SUPT3H: variants seen among roughly 807,000 people sequenced by gnomAD.
SUPT3H encodes the protein transcription initiation protein SPT3 homolog.
In SUPT3H, 44 loss-of-function variants were observed where a neutral mutation model predicts 44.3. That is an observed-to-expected ratio of 0.99 (90% confidence interval 0.78 to 1.28). The LOEUF (loss-of-function observed/expected upper bound fraction) is 1.28. Among genes scored for constraint, SUPT3H ranks in the 50% most tolerant of loss-of-function variants. SUPT3H has a pLI of 0.00. For synonymous variants in SUPT3H, 124 were observed against 125.6 expected, an observed-to-expected ratio of 0.99 and a Z score of 0.09; for missense variants, 380 against 387.1, an observed-to-expected ratio of 0.98 and a Z score of 0.15.
chr6:45,181,900 T>G (rs910408093), intron 2 of SUPT3H, among the ~76,000 whole-genome samples: 4 of 129,776 alleles, frequency 3.1e-5, no homozygotes, highest in Non-Finnish European at 6.6e-5. Flanking sequence ...AATAAATAAA[T>G]AATAAAACTA....
In SUPT3H at chr6:45,255,182, T is replaced by G. The variant is rs143420288; in HGVS notation, c.101+110019A>C. ...TGTATGGGAAAAAACACTATATATA[T>G]AGAGAGAGAGAGTTTGGTAGTATTT... is the stretch of plus-strand genomic sequence containing the variant. On this transcript the variant is annotated intron_variant, in intron 2 of 10. Coordinates refer to ENST00000371459, the MANE Select transcript of SUPT3H (RefSeq NM_003599.4). 4.3e-3 allele frequency among the ~76,000 whole-genome samples: 658 copies of G among 151,938 alleles called. 4 individuals are homozygous for G. The highest frequency in any genetic ancestry group is 8.1e-3 in the African/African-American group (334 of 41,440).
At chr6:44,883,922 A>C (rs1717286) in intron 10 of SUPT3H, among the ~76,000 whole-genome samples, 138,369 of 152,126 alleles carry the variant, frequency 0.91, 63,652 homozygotes, top group East Asian at 1. Context: ...AAACCCTAGA[A>C]GAAAACCTAG....
intron 1 of SUPT3H, among the ~76,000 whole-genome samples, chr6:45,372,575 A>G (rs568811770): frequency 6.6e-6 from 1 of 152,242 alleles, no homozygotes; most frequent in Non-Finnish European, 1.5e-5. Flanking sequence ...TTTATAAAGT[A>G]TATTCACATA....
At chr6:45,006,665 G>T (rs996204717) in intron 5 of SUPT3H, among the ~76,000 whole-genome samples, 3 of 152,028 alleles carry the variant, frequency 2.0e-5, no homozygotes, top group African/African-American at 7.2e-5. Flanking sequence ...AGTATCAAGA[G>T]ACCTTCAGAA....
At chr6:45,128,585 TACAC>T (rs1346769411) in intron 2 of SUPT3H, among the ~76,000 whole-genome samples, 22 of 95,438 alleles carry the variant, frequency 2.3e-4, no homozygotes, top group South Asian at 7.1e-4. Context: ...CACACACACA[TACAC>T]ATATATATAT....
At chr6:45,111,033 CTTTTTT>C (rs5875909) in intron 2 of SUPT3H, among the ~76,000 whole-genome samples, 2 of 129,978 alleles carry the variant, frequency 1.5e-5, no homozygotes, top group Non-Finnish European at 3.3e-5. Context: ...ACAAACGATA[CTTTTTT>C]TTTTTTTTTT....
At chr6:45,051,348 G>A (rs1226367916) in intron 3 of SUPT3H, among the ~76,000 whole-genome samples, 1 of 152,080 alleles carries the variant, frequency 6.6e-6, no homozygotes, top group Non-Finnish European at 1.5e-5. Context: ...TACTTCCTTA[G>A]AGAGGTAGGA....
intron 2 of SUPT3H, among the ~76,000 whole-genome samples, chr6:45,145,288 C>T (rs140299726): frequency 4.3e-4 from 65 of 152,050 alleles, no homozygotes; most frequent in Non-Finnish European, 7.4e-4. Flanking sequence ...CTATAGTTAC[C>T]GAAACAACAT....
intron 10 of SUPT3H, among the ~76,000 whole-genome samples, chr6:44,867,740 T>C (rs1364536914): frequency 6.6e-6 from 1 of 152,160 alleles, no homozygotes; most frequent in Non-Finnish European, 1.5e-5. Flanking sequence ...TTTACCTAAG[T>C]GCACATTAGC....
At chr6:45,130,304 TTAACA>T (rs1350857294) in intron 2 of SUPT3H, among the ~76,000 whole-genome samples, 3 of 152,220 alleles carry the variant, frequency 2.0e-5, no homozygotes, top group Admixed American at 6.5e-5. Context: ...TCTCTTTTAC[TTAACA>T]TAATGTTTTT....
intron 6 of SUPT3H, among the ~76,000 whole-genome samples, chr6:44,973,856 C>T (rs12196775): frequency 0.045 from 6,877 of 152,192 alleles, 214 homozygotes; most frequent in Non-Finnish European, 0.07. Context: ...CATCAGATCT[C>T]CTGAGAACTC....
At chr6:44,905,375 T>A (rs1369808350) in intron 10 of SUPT3H, among the ~76,000 whole-genome samples, 1 of 151,728 alleles carries the variant, frequency 6.6e-6, no homozygotes, top group African/African-American at 2.4e-5. Context: ...GAACAGACAC[T>A]TCTCAAAAGA....
chr6:45,004,048 T>C (rs1782373619), intron 5 of SUPT3H, among the ~76,000 whole-genome samples: 1 of 152,044 alleles, frequency 6.6e-6, no homozygotes, highest in African/African-American at 2.4e-5. Context: ...GCTAATTAAA[T>C]CCCTTATAAA....
rs575097716 is a variant in SUPT3H at position 44,949,295 on chromosome 6, C to T, written c.801+4015G>A. On this transcript the variant is annotated intron_variant, in intron 9 of 10. Transcript: ENST00000371459. Reference sequence around the variant, plus strand: ...TACGAGACATACCTAGTGTAAATGACGAGTTAATGGGTGTAGCACACCAAC... The same window carrying T: ...TACGAGACATACCTAGTGTAAATGATGAGTTAATGGGTGTAGCACACCAAC... 2.3e-3 allele frequency among the ~76,000 whole-genome samples: 343 copies of T among 151,916 alleles called. 1 individual carries two copies. Among genetic ancestry groups the T allele is most frequent in the Non-Finnish European group, 4.0e-3 (272 of 67,980 alleles).
intron 2 of SUPT3H, among the ~76,000 whole-genome samples, chr6:45,120,257 G>C (rs1417542701): frequency 6.6e-6 from 1 of 151,588 alleles, no homozygotes; most frequent in Non-Finnish European, 1.5e-5. Flanking sequence ...ATTTATTTCA[G>C]TTTCCACCAC....
intron 2 of SUPT3H, among the ~76,000 whole-genome samples, chr6:45,302,057 G>T (rs1782207516): frequency 6.6e-6 from 1 of 152,164 alleles, no homozygotes; most frequent in Admixed American, 6.6e-5. Context: ...GAGCCAGCAT[G>T]ATAAGGAAGT....
intron 10 of SUPT3H, among the ~76,000 whole-genome samples, chr6:44,915,553 C>T (rs1433025023): frequency 6.6e-6 from 1 of 152,122 alleles, no homozygotes; most frequent in Non-Finnish European, 1.5e-5. Flanking sequence ...GGGGGTTGGA[C>T]ATGCCACATT....
chr6:45,129,601 T>C (rs1803094781), intron 2 of SUPT3H, among the ~76,000 whole-genome samples: 1 of 152,218 alleles, frequency 6.6e-6, no homozygotes, highest in South Asian at 2.1e-4. Flanking sequence ...CCTTCACAAC[T>C]TGTGCTGTTT....
At chr6:44,949,189 A>G (rs1773864771) in intron 9 of SUPT3H, among the ~76,000 whole-genome samples, 1 of 152,054 alleles carries the variant, frequency 6.6e-6, no homozygotes, top group South Asian at 2.1e-4. Flanking sequence ...GATTTGAACA[A>G]TGAGAACACT....
Sources: gnomAD v4.1 joint callset for allele counts (sites outside exome capture counted in the v4.1 genomes callset) on GRCh38, gnomAD v4.1.1 for gene constraint, MANE v1.5 for transcripts, NCBI Gene and HGNC (gene_info 2026-07-23, HGNC 2026-07-21) for gene names.